Variants in MKRN2OS observed in about 807,000 individuals in gnomAD.
The protein encoded by MKRN2OS is MKRN2 opposite strand, also known as MKRN2 opposite strand protein.
Under a neutral mutation model 18.2 loss-of-function variants are expected in MKRN2OS, and 17 were observed. The observed-to-expected ratio is 0.93, with a 90% CI of 0.64 to 1.40. The LOEUF is 1.40. Among genes scored for constraint, MKRN2OS ranks in the 40% most tolerant of loss-of-function variants. The probability of loss-of-function intolerance (pLI) is 0.00; values close to 1 mark genes in which losing one functional copy is unlikely to be tolerated. For synonymous variants in MKRN2OS, 121 were observed against 108.5 expected (o/e 1.12, Z -0.72); for missense variants, 337 against 283.0 (o/e 1.19, Z -1.37).
rs376367283 is a variant in MKRN2OS at position 12,556,547 on chromosome 3, G to A, written n.265-2413C>T. On this transcript the variant is annotated intron_variant and non_coding_transcript_variant, in intron 1 of 1. Transcript: ENST00000447550. The stretch of plus-strand genomic sequence containing the variant: ...TTCCACCATAGGAAATGGAAGACGA[G>A]CAGCACAAGACTGGCAGGAAAGAAA... 1.2e-4 allele frequency among the ~76,000 whole-genome samples: 19 copies of A among 152,262 alleles called. No individual in the cohort carries two copies. The East Asian group carries it at 2.3e-3, about 19-fold the overall frequency.
Position 12,540,129 on chromosome 3 carries a change from A to G in MKRN2OS, c.*64T>C, listed in dbSNP as rs2057773122. On this transcript the variant is annotated 3_prime_UTR_variant, in exon 4 of 4. Coordinates refer to ENST00000564146, the MANE Select transcript of MKRN2OS (RefSeq NM_001195279.2). ...CACAGTTAAATGCATTTAGAAATCC[A>G]TAGTACTGATTAAAGGTAGCAACCA... The G allele has an allele frequency of 3.3e-6, 5 of 1,532,598 alleles. No homozygotes were observed. The highest frequency in any genetic ancestry group is 3.9e-5 in the Admixed American group (2 of 50,910). The allele number at this position is 1,532,598 out of a possible 1,614,324, so 94.9% of individuals were successfully genotyped here.
At chr3:12,557,075 CG>C in intron 1 of MKRN2OS, 1 of 1,411,138 alleles carries the variant, frequency 7.1e-7, no homozygotes, top group Non-Finnish European at 9.3e-7. Flanking sequence ...CGGGATGGGC[CG>C]GGCCAGGGCC....
At chr3:12,555,979 A>G (rs192930572) in intron 1 of MKRN2OS, among the ~76,000 whole-genome samples, 52 of 150,376 alleles carry the variant, frequency 3.5e-4, no homozygotes, top group Admixed American at 3.1e-3. Context: ...AAAACAAAAA[A>G]TTCTTTATTT....
chr3:12,556,981 C>A, intron 1 of MKRN2OS: 1 of 664,052 alleles, frequency 1.5e-6, no homozygotes, highest in Non-Finnish European at 2.1e-6. Flanking sequence ...ATTGTGACGA[C>A]GGCTAGGTTA....
In MKRN2OS at chr3:12,541,376, C is replaced by T. The variant is rs149974574; in HGVS notation, c.431+484G>A. Among the ~76,000 whole-genome samples, 1,039 of 152,116 alleles carry T rather than the reference C, an allele frequency of 6.8e-3. 5 individuals carry two copies. The highest frequency in any genetic ancestry group is 0.024 in the African/African-American group (979 of 41,516). On this transcript the variant is annotated intron_variant, in intron 3 of 3. Coordinates refer to ENST00000564146, the MANE Select transcript of MKRN2OS (RefSeq NM_001195279.2). Reference sequence around the variant, plus strand: ...TAGGGACTACAGACGTCCACCACCACGCCTGGCTATTTTTGTATTTTTAAT... The same window carrying T: ...TAGGGACTACAGACGTCCACCACCATGCCTGGCTATTTTTGTATTTTTAAT...
At position 12,545,047 on chromosome 3, in the gene MKRN2OS, C is replaced by G. The variant is rs2057866949; in HGVS notation, c.218+200G>C. 3.3e-5 allele frequency among the ~76,000 whole-genome samples: 5 copies of G among 152,282 alleles called. No individual in the cohort carries two copies. In the South Asian group the frequency reaches 1.0e-3, roughly 32 times the overall value. Reference sequence around the variant, plus strand: ...TTCATATATTCCACATATATTCTTGCACTTGTCACTGCAGGAACATATGCA... The same window carrying G: ...TTCATATATTCCACATATATTCTTGGACTTGTCACTGCAGGAACATATGCA... On this transcript the variant is annotated intron_variant, in intron 1 of 3. Coordinates refer to ENST00000564146, the MANE Select transcript of MKRN2OS (RefSeq NM_001195279.2).
Position 12,545,240 on chromosome 3 carries a change from A to T in MKRN2OS, c.218+7T>A. 1.3e-6 allele frequency: 2 copies of T among 1,527,622 alleles called. No homozygotes were observed. The highest frequency in any genetic ancestry group is 1.8e-6 in the Non-Finnish European group (2 of 1,141,362). 94.6% of individuals were successfully genotyped at this position (1,527,622 alleles called of 1,614,324 possible). On this transcript the variant is annotated splice_region_variant and intron_variant, in intron 1 of 3. Transcript: ENST00000564146. ...AATGCAATTTAACACTGTAAAAAAC[A>T]CTGTACCTAAGAAATGTCCCCTGAG...
intron 1 of MKRN2OS, chr3:12,557,087 A>AAGGCCG: frequency 7.5e-7 from 1 of 1,331,804 alleles, no homozygotes; most frequent in Non-Finnish European, 9.8e-7. Context: ...GGCCAGGGCC[A>AAGGCCG]AGGCCGAGGC....
intron 1 of MKRN2OS, among the ~76,000 whole-genome samples, chr3:12,557,422 C>A (rs1329657441): frequency 6.6e-6 from 1 of 152,208 alleles, no homozygotes; most frequent in African/African-American, 2.4e-5. Flanking sequence ...GAAGCGTGGC[C>A]CCTGTGGGCT....
downstream of MKRN2OS, among the ~76,000 whole-genome samples, chr3:12,551,805 G>A (rs182692493): frequency 1.2e-4 from 18 of 151,910 alleles, no homozygotes; most frequent in Non-Finnish European, 2.4e-4. Flanking sequence ...TTATCCTGGC[G>A]TGTTGGCACA....
rs768906839 is a variant in MKRN2OS, at chr3:12,545,480, G to A, written c.-16C>T. ...CGCAGTGCATAGCTTTCGCCTCCTGGAATGCTAGGGGAGGTTTCCGGAGAC... is the reference window on the plus strand; with the variant it reads ...CGCAGTGCATAGCTTTCGCCTCCTGAAATGCTAGGGGAGGTTTCCGGAGAC... On this transcript the variant is annotated 5_prime_UTR_variant, in exon 1 of 4. Transcript: ENST00000564146. 67 of 1,496,202 alleles carry A rather than the reference G, an allele frequency of 4.5e-5. No homozygotes were observed. Among genetic ancestry groups the A allele is most frequent in the Non-Finnish European group, 6.0e-5 (67 of 1,123,670 alleles). 92.7% of individuals were successfully genotyped at this position (1,496,202 alleles called of 1,614,324 possible).
At chr3:12,542,051 G>T in intron 2 of MKRN2OS, 29 bp from the exon 3 acceptor site, 9 of 1,522,188 alleles carry the variant, frequency 5.9e-6, no homozygotes, top group Non-Finnish European at 7.9e-6. Flanking sequence ...GTCATGTGGA[G>T]CCCCAAGGAA....
At chr3:12,544,575 C>T (rs1222347819) in intron 1 of MKRN2OS, among the ~76,000 whole-genome samples, 2 of 151,682 alleles carry the variant, frequency 1.3e-5, no homozygotes, top group Non-Finnish European at 2.9e-5. Context: ...ACTCGGGAGC[C>T]TGAGGCAGGC....
downstream of MKRN2OS, among the ~76,000 whole-genome samples, chr3:12,552,086 G>A (rs1197921195): frequency 2.6e-5 from 4 of 152,004 alleles, no homozygotes; most frequent in African/African-American, 9.7e-5. Context: ...TTGGGAGGCC[G>A]AGGCAGGTGA....
At chr3:12,540,459 A>G (rs1341558961) in intron 3 of MKRN2OS, 26 bp from the exon 4 acceptor site, 1 of 1,535,856 alleles carries the variant, frequency 6.5e-7, no homozygotes, top group East Asian at 2.4e-5. Context: ...AAGGGTGTTG[A>G]GAAGAAAAGG....
In MKRN2OS at chr3:12,540,015, C is replaced by A; in HGVS notation, c.*178G>T. 1.2e-6 allele frequency: 1 copy of A among 823,726 alleles called. No individual in the cohort carries two copies. The highest frequency in any genetic ancestry group is 1.9e-6 in the Non-Finnish European group (1 of 539,744). 51.0% of individuals were successfully genotyped at this position (823,726 alleles called of 1,614,324 possible). A position where few individuals can be genotyped will look rare whatever the true frequency, so the allele number is the denominator to read the frequency against. Reference sequence around the variant, plus strand: ...GGTCAGGCTGGTCTCAAACTCCCAACCTCAGGTGACCTACCTGTCTTAGCT... The same window carrying A: ...GGTCAGGCTGGTCTCAAACTCCCAAACTCAGGTGACCTACCTGTCTTAGCT... On this transcript the variant is annotated 3_prime_UTR_variant, in exon 4 of 4. Transcript: ENST00000564146.
At chr3:12,542,683 G>T (rs2057830430) in intron 2 of MKRN2OS, among the ~76,000 whole-genome samples, 1 of 145,588 alleles carries the variant, frequency 6.9e-6, no homozygotes. Context: ...GGTGGCCAAA[G>T]GAAGTTTTGT....
chr3:12,540,434 C>T lies in MKRN2OS; in HGVS notation c.432-1G>A, dbSNP rs1042537631. On this transcript the variant is annotated splice_acceptor_variant, in intron 3 of 3. Transcript: ENST00000564146. LOFTEE classifies it high-confidence loss of function. ...GCAGTTATGGTGGTTGTCTTCATACCTTATGGAGGAGAATAAGGGTGTTGA... is the reference window on the plus strand; with the variant it reads ...GCAGTTATGGTGGTTGTCTTCATACTTTATGGAGGAGAATAAGGGTGTTGA... 7 of 1,535,926 alleles carry T rather than the reference C, an allele frequency of 4.6e-6. No homozygotes were observed. In the East Asian group the frequency reaches 9.8e-5, roughly 21 times the overall value.
At chr3:12,549,217 A>G (rs2057910113), upstream of MKRN2OS, among the ~76,000 whole-genome samples, 1 of 151,890 alleles carries the variant, frequency 6.6e-6, no homozygotes, top group South Asian at 2.1e-4. Context: ...TGCTGGGATT[A>G]CAGAAGTGAG....
Sources: gnomAD v4.1 joint callset for allele counts (sites outside exome capture counted in the v4.1 genomes callset) on GRCh38, gnomAD v4.1.1 for gene constraint, MANE v1.5 for transcripts, NCBI Gene and HGNC (gene_info 2026-07-23, HGNC 2026-07-21) for gene names.